The following MAD1L1 variants were observed in gnomAD, a reference collection of about 807,000 sequenced individuals.
MAD1L1 encodes mitotic spindle assembly checkpoint protein MAD1.
A neutral mutation model predicts 96.9 loss-of-function variants in MAD1L1; 95 were observed. The observed-to-expected ratio is 0.98, with a 90% confidence interval of 0.83 to 1.16. The LOEUF is 1.16. Among genes scored for constraint, MAD1L1 ranks in the 50% most tolerant of loss-of-function variants. The pLI, the probability that MAD1L1 is intolerant of heterozygous loss-of-function variation, is 0.00. For synonymous variants in MAD1L1, 473 were observed against 396.6 expected, an observed-to-expected ratio of 1.19 and a Z score of -2.29; for missense variants, 1,007 against 954.4, an observed-to-expected ratio of 1.06 and a Z score of -0.73.
intron 17 of MAD1L1, among the ~76,000 whole-genome samples, chr7:1,902,208 G>T (rs1470723809): frequency 6.6e-6 from 1 of 152,192 alleles, no homozygotes; most frequent in Non-Finnish European, 1.5e-5. Context: ...CAGCTGTGAA[G>T]AGGACAGAAT....
At chr7:1,904,438 T>A (rs1379932871) in intron 17 of MAD1L1, among the ~76,000 whole-genome samples, 4 of 110,708 alleles carry the variant, frequency 3.6e-5, no homozygotes, top group African/African-American at 1.2e-4. Context: ...CTATGAAAGA[T>A]GCTCTTGCGG....
At chr7:1,952,929 G>T (rs778087758) in intron 16 of MAD1L1, among the ~76,000 whole-genome samples, 2 of 152,220 alleles carry the variant, frequency 1.3e-5, no homozygotes, top group Admixed American at 1.3e-4. Context: ...CAGAGCACCC[G>T]CCGGGAGGCC....
chr7:1,972,105 C>G (rs1780429854), intron 15 of MAD1L1, among the ~76,000 whole-genome samples: 1 of 152,188 alleles, frequency 6.6e-6, no homozygotes, highest in African/African-American at 2.4e-5. Flanking sequence ...ACAGACACTT[C>G]CCTCCATGTC....
chr7:2,160,420 C>T (rs1474859270), intron 10 of MAD1L1, among the ~76,000 whole-genome samples: 1 of 150,050 alleles, frequency 6.7e-6, no homozygotes, highest in Non-Finnish European at 1.5e-5. Context: ...GAAAGCTCCG[C>T]CTCCTGGGTT....
intron 12 of MAD1L1, among the ~76,000 whole-genome samples, chr7:2,020,245 C>G (rs972815472): frequency 6.6e-6 from 1 of 151,848 alleles, no homozygotes; most frequent in Non-Finnish European, 1.5e-5. Context: ...GGAAGTGGCT[C>G]TCCATGATCG....
rs770680999 is a variant in MAD1L1 at position 2,225,456 on chromosome 7, C to G, written c.245G>C (p.Arg82Pro). 2.5e-6 allele frequency: 4 copies of G among 1,614,050 alleles called. No individual in the cohort carries two copies. The highest frequency in any genetic ancestry group is 2.5e-6 in the Non-Finnish European group (3 of 1,180,046). Residue 82 changes from arginine to proline, a missense_variant, in exon 4 of 19, where the codon CGA becomes CCA. Physicochemically the swap from Arg to Pro is moderately radical, Grantham distance 103 (BLOSUM62 -2). Transcript: ENST00000265854. ...MQMELSHKRA[R>P]VELERAASTS... ...GCTGGCTGCTCTCTCCAGCTCCACTCGAGCCCTCTTGTGACTCAGCTCCAT... is the reference window on the plus strand; with the variant it reads ...GCTGGCTGCTCTCTCCAGCTCCACTGGAGCCCTCTTGTGACTCAGCTCCAT...
At position 2,088,400 on chromosome 7, in the gene MAD1L1, C is replaced by T. The variant is rs1786037293; in HGVS notation, c.1074-19062G>A. Among the ~76,000 whole-genome samples the T allele has an allele frequency of 6.6e-6, 1 of 152,190 alleles. No individual in the cohort carries two copies. The highest frequency in any genetic ancestry group is 6.5e-5 in the Admixed American group (1 of 15,284). On this transcript the variant is annotated intron_variant, in intron 11 of 18. Transcript: ENST00000265854. The surrounding 1 kb of genome is among the most constrained non-coding windows in gnomAD (Gnocchi z 4.4). Reference sequence around the variant, plus strand: ...CTGGCCCACACTGAGCCACCTATTCCCACCACAGCCCCCGCCCCGCTCCGT... The same window carrying T: ...CTGGCCCACACTGAGCCACCTATTCTCACCACAGCCCCCGCCCCGCTCCGT...
At chr7:2,037,352 G>A (rs990328723) in intron 12 of MAD1L1, among the ~76,000 whole-genome samples, 3 of 152,130 alleles carry the variant, frequency 2.0e-5, no homozygotes, top group Non-Finnish European at 4.4e-5. Flanking sequence ...GAGCCAGCAT[G>A]GACCCAGGCA....
intron 5 of MAD1L1, among the ~76,000 whole-genome samples, chr7:2,220,200 C>A (rs548407631): frequency 1.3e-5 from 2 of 152,174 alleles, no homozygotes; most frequent in African/African-American, 4.8e-5. Flanking sequence ...GGAGGCCGTG[C>A]GCTTGGAACG....
chr7:1,894,067 G>A (rs1316172337), intron 18 of MAD1L1, among the ~76,000 whole-genome samples: 1 of 152,222 alleles, frequency 6.6e-6, no homozygotes, highest in African/African-American at 2.4e-5. Flanking sequence ...CTGGGGGCGT[G>A]GAGCTGCTGC....
intron 11 of MAD1L1, among the ~76,000 whole-genome samples, chr7:2,084,699 C>T (rs762720438): frequency 2.6e-5 from 4 of 152,202 alleles, no homozygotes; most frequent in Non-Finnish European, 1.5e-5. Flanking sequence ...GAACTTGCCT[C>T]GCACCTCTGG....
At chr7:2,141,737 G>A (rs953528512) in intron 11 of MAD1L1, among the ~76,000 whole-genome samples, 22 of 152,310 alleles carry the variant, frequency 1.4e-4, no homozygotes, top group South Asian at 6.2e-4. Flanking sequence ...AGGAGCGGGC[G>A]GCTGCACATG....
chr7:1,888,931 C>T (rs1231649097), intron 18 of MAD1L1, among the ~76,000 whole-genome samples: 1 of 152,242 alleles, frequency 6.6e-6, no homozygotes, highest in East Asian at 1.9e-4. Flanking sequence ...CCCTGCAGTT[C>T]TCACTGATGA....
chr7:2,049,977 C>T (rs1784095981), intron 12 of MAD1L1, among the ~76,000 whole-genome samples: 1 of 151,272 alleles, frequency 6.6e-6, no homozygotes, highest in African/African-American at 2.4e-5. Context: ...GGCACCAGAC[C>T]ACACGTTCAC....
chr7:1,860,780 T>C (rs1217034947), intron 18 of MAD1L1, among the ~76,000 whole-genome samples: 1 of 152,056 alleles, frequency 6.6e-6, no homozygotes, highest in Non-Finnish European at 1.5e-5. Flanking sequence ...TGAAGTGCTC[T>C]CTCTCGGCCT....
chr7:2,121,231 G>A (rs917553705), intron 11 of MAD1L1, among the ~76,000 whole-genome samples: 6 of 152,268 alleles, frequency 3.9e-5, no homozygotes, highest in African/African-American at 1.2e-4. Flanking sequence ...CATGTGAGGT[G>A]TAGGCGCTGG....
At chr7:1,943,029 A>C (rs1193754969) in intron 16 of MAD1L1, among the ~76,000 whole-genome samples, 1 of 152,164 alleles carries the variant, frequency 6.6e-6, no homozygotes, top group Non-Finnish European at 1.5e-5. Context: ...GATAGGGAAA[A>C]ATAGTCTTTT....
At chr7:2,058,604 C>T (rs1276778554) in intron 12 of MAD1L1, among the ~76,000 whole-genome samples, 1 of 75,808 alleles carries the variant, frequency 1.3e-5, no homozygotes, top group Non-Finnish European at 2.6e-5. Flanking sequence ...AGGAGAGGCG[C>T]GGGGCTAGAG....
At chr7:1,893,873 AC>A (rs1487349877) in intron 18 of MAD1L1, among the ~76,000 whole-genome samples, 2 of 152,220 alleles carry the variant, frequency 1.3e-5, no homozygotes, top group Non-Finnish European at 2.9e-5. Context: ...GACCAGGGCC[AC>A]CGCTGCATGG....
Sources: gnomAD v4.1 joint callset for allele counts (sites outside exome capture counted in the v4.1 genomes callset) on GRCh38, gnomAD v4.1.1 for gene constraint, Gnocchi (gnomAD v3.1) non-coding constraint, MANE v1.5 for transcripts, NCBI Gene and HGNC (gene_info 2026-07-23, HGNC 2026-07-21) for gene names.